The following PALLD variants were observed in gnomAD, a reference collection of about 807,000 sequenced individuals.
PALLD encodes palladin, cytoskeletal associated protein, also known as palladin.
Under a neutral mutation model 123.5 loss-of-function variants are expected in PALLD, and 61 were observed. That is an observed-to-expected ratio of 0.49 (90% confidence interval 0.40 to 0.61). The LOEUF (loss-of-function observed/expected upper bound fraction) is 0.61, where lower values mean the gene tolerates loss of function less well. Among genes scored for constraint, PALLD ranks in the 20% least tolerant of loss-of-function variants. The pLI is 0.00. For synonymous variants in PALLD, 465 were observed against 496.4 expected, an observed-to-expected ratio of 0.94 and a Z score of 0.84; for missense variants, 1,273 against 1,377.0, an observed-to-expected ratio of 0.92 and a Z score of 1.20.
intron 2 of PALLD, among the ~76,000 whole-genome samples, chr4:168,659,391 A>G (rs1778916046): frequency 6.6e-6 from 1 of 152,162 alleles, no homozygotes; most frequent in African/African-American, 2.4e-5. Flanking sequence ...TATGGACTTC[A>G]TGAAGCCATG....
chr4:168,715,137 G>A (rs1290545620), intron 10 of PALLD, among the ~76,000 whole-genome samples: 1 of 152,046 alleles, frequency 6.6e-6, no homozygotes, highest in Admixed American at 6.5e-5. Flanking sequence ...TCCTGGCTCA[G>A]TCTGTGGTAC....
chr4:168,921,406 CAAA>C (rs5863967), intron 17 of PALLD, 125 bp from the exon 18 acceptor site: 7,963 of 354,056 alleles, frequency 0.022, no homozygotes, highest in Middle Eastern at 0.042. Flanking sequence ...AAACTCTGTC[CAAA>C]AAAAAAAAAA....
intron 10 of PALLD, among the ~76,000 whole-genome samples, chr4:168,846,567 C>T (rs1746881479): frequency 6.6e-6 from 1 of 152,166 alleles, no homozygotes. Context: ...TTGCAGTTTC[C>T]TCTTTACAGG....
At chr4:168,665,621 C>G (rs78745294) in intron 2 of PALLD, among the ~76,000 whole-genome samples, 12,685 of 152,214 alleles carry the variant, frequency 0.083, 705 homozygotes, top group South Asian at 0.15. Context: ...GGATGGAAAG[C>G]CAAGACTCTG....
At chr4:168,545,092 G>A (rs147670848) in intron 2 of PALLD, among the ~76,000 whole-genome samples, 158 of 152,232 alleles carry the variant, frequency 1.0e-3, no homozygotes, top group African/African-American at 3.5e-3. Flanking sequence ...AAATAATCCC[G>A]GAGCTCAGAC....
intron 10 of PALLD, among the ~76,000 whole-genome samples, chr4:168,868,694 C>T (rs888981375): frequency 6.6e-6 from 1 of 152,198 alleles, no homozygotes; most frequent in Non-Finnish European, 1.5e-5. Context: ...TTGTTAGAAA[C>T]ACTCTGTCCG....
chr4:168,786,264 G>T (rs149710938), intron 10 of PALLD, among the ~76,000 whole-genome samples: 1,732 of 152,150 alleles, frequency 0.011, 15 homozygotes, highest in Non-Finnish European at 0.015. Flanking sequence ...GGAGGTAGAA[G>T]TTGCAGTGAG....
intron 8 of PALLD, among the ~76,000 whole-genome samples, chr4:168,702,343 G>A (rs1215972395): frequency 2.6e-5 from 4 of 152,060 alleles, no homozygotes. Flanking sequence ...CTGAGGTCAG[G>A]AGTTCGAGAC....
At chr4:168,582,097 T>TTTA (rs1770344234) in intron 2 of PALLD, among the ~76,000 whole-genome samples, 1 of 152,130 alleles carries the variant, frequency 6.6e-6, no homozygotes, top group Admixed American at 6.6e-5. Flanking sequence ...GGTTCTCTAC[T>TTTA]ATGTTTCATT....
intron 10 of PALLD, among the ~76,000 whole-genome samples, chr4:168,774,727 C>CAGAAAAAAA: frequency 1.4e-5 from 1 of 73,216 alleles, no homozygotes; most frequent in Admixed American, 1.9e-4. Context: ...GACTGCATCT[C>CAGAAAAAAA]AAAAAAAAAA....
At chr4:168,668,528 G>A (rs1016256027) in intron 3 of PALLD, among the ~76,000 whole-genome samples, 160 bp downstream of exon 3, 4 of 152,124 alleles carry the variant, frequency 2.6e-5, no homozygotes, top group Admixed American at 6.5e-5. Context: ...GAACTGTTCC[G>A]ACATTTAGGC....
At chr4:168,539,568 AAAATAAATAAATAAAT>A (rs150961800) in intron 2 of PALLD, among the ~76,000 whole-genome samples, 60,013 of 145,398 alleles carry the variant, frequency 0.41, 13,244 homozygotes, top group East Asian at 0.62. Context: ...TCAAAAAATA[AAAATAAATAAATAAAT>A]AAATAAATAA....
chr4:168,775,610 C>T (rs1319868496), intron 10 of PALLD, among the ~76,000 whole-genome samples: 1 of 152,080 alleles, frequency 6.6e-6, no homozygotes, highest in Non-Finnish European at 1.5e-5. Context: ...TTGCCTAATC[C>T]AAGCTCACAA....
At chr4:168,891,138 GA>G in intron 11 of PALLD, 81 bp downstream of exon 11, 1 of 1,357,946 alleles carries the variant, frequency 7.4e-7, no homozygotes, top group Non-Finnish European at 1.1e-6. Context: ...TTAGGTTCTT[GA>G]TATTTGTCCA....
rs529870856 is a variant in PALLD at position 168,596,801 on chromosome 4, C to T, written c.909-71389C>T. Reference sequence around the variant, plus strand: ...AAAAAAATTATAATTTACCATCTCTCTGACTTGGAGAAAGTAAGCCAAAAT... The same window carrying T: ...AAAAAAATTATAATTTACCATCTCTTTGACTTGGAGAAAGTAAGCCAAAAT... On this transcript the variant is annotated intron_variant, in intron 2 of 21. Coordinates refer to ENST00000505667, the MANE Select transcript of PALLD (RefSeq NM_001166108.2). Among the ~76,000 whole-genome samples, 4 of 151,154 alleles carry T rather than the reference C, an allele frequency of 2.6e-5. No homozygotes were observed. In the South Asian group the frequency reaches 8.4e-4, roughly 32 times the overall value.
intron 10 of PALLD, among the ~76,000 whole-genome samples, chr4:168,804,221 T>C (rs1739797540): frequency 6.6e-6 from 1 of 150,540 alleles, no homozygotes; most frequent in Non-Finnish European, 1.5e-5. Flanking sequence ...TAGAAATATA[T>C]TAACCCTGCA....
intron 18 of PALLD, among the ~76,000 whole-genome samples, 157 bp from the exon 19 acceptor site, chr4:168,924,098 A>G (rs531699934): frequency 6.6e-6 from 1 of 152,348 alleles, no homozygotes; most frequent in South Asian, 2.1e-4. Context: ...TTGCTTGGTA[A>G]AAGAATAATT....
At chr4:168,735,378 A>G (rs13112971) in intron 10 of PALLD, among the ~76,000 whole-genome samples, 67,587 of 152,022 alleles carry the variant, frequency 0.44, 15,690 homozygotes, top group South Asian at 0.59. Flanking sequence ...GAGTATTTAG[A>G]ATACGTCCTT....
rs1443670000 is a variant in PALLD at position 168,869,544 on chromosome 4, G to A, written c.1965-21378G>A. Among the ~76,000 whole-genome samples, 3 of 152,128 alleles carry A rather than the reference G, an allele frequency of 2.0e-5. No homozygotes were observed. Among genetic ancestry groups the A allele is most frequent in the Non-Finnish European group, 2.9e-5 (2 of 68,022 alleles). On this transcript the variant is annotated intron_variant, in intron 10 of 21. Transcript: ENST00000505667. The surrounding 1 kb of genome is among the most constrained non-coding windows in gnomAD (Gnocchi z 4.5). ...TGCATGAGAAGAGGCCAACAGGAAG[G>A]AAAACTCAAAATGGGTTTGGGGAAC...
Sources: gnomAD v4.1 joint callset for allele counts (sites outside exome capture counted in the v4.1 genomes callset) on GRCh38, gnomAD v4.1.1 for gene constraint, Gnocchi (gnomAD v3.1) non-coding constraint, MANE v1.5 for transcripts, NCBI Gene and HGNC (gene_info 2026-07-23, HGNC 2026-07-21) for gene names.